Variants in RPL15 observed in about 807,000 individuals in gnomAD.
RPL15 encodes the protein large ribosomal subunit protein eL15.
For synonymous variants in RPL15, 97 were observed against 95.1 expected, an observed-to-expected ratio of 1.02 and a Z score of -0.12; for missense variants, 161 against 271.8, an observed-to-expected ratio of 0.59 and a Z score of 2.87.
rs559932039 is a variant in RPL15, at chr3:23,919,565, G to A, written c.*64G>A. ...TTTAGGACAGTCATGTCTGCTTACAGGTGTTATTTGTCTGTTAAAACTAGT... is the reference window on the plus strand; with the variant it reads ...TTTAGGACAGTCATGTCTGCTTACAAGTGTTATTTGTCTGTTAAAACTAGT... On this transcript the variant is annotated 3_prime_UTR_variant, in exon 4 of 4. Transcript: ENST00000307839. The A allele has an allele frequency of 1.0e-5, 15 of 1,440,442 alleles. No individual in the cohort carries two copies. The African/African-American group carries it at 1.7e-4, about 16-fold the overall frequency. 89.2% of individuals were successfully genotyped at this position (1,440,442 alleles called of 1,614,324 possible). A position where few individuals can be genotyped will look rare whatever the true frequency, so the allele number is the denominator to read the frequency against.
chr3:23,921,668 G>T (rs193020435), downstream of RPL15: 2 of 665,110 alleles, frequency 3.0e-6, no homozygotes, highest in South Asian at 1.6e-5. Context: ...TCTGTCTCCC[G>T]GGTTTGAGCA....
chr3:23,918,564 G>A lies in RPL15; in HGVS notation c.297G>A (p.Gln99=). 1.2e-6 allele frequency: 2 copies of A among 1,613,878 alleles called. No homozygotes were observed. Among genetic ancestry groups the A allele is most frequent in the African/African-American group, 2.7e-5 (2 of 75,040 alleles). The change falls in exon 3 of 4, where the codon CAG becomes CAA. Residue 99 remains glutamine, a synonymous_variant. Coordinates refer to ENST00000307839, the MANE Select transcript of RPL15 (RefSeq NM_002948.5). The stretch of plus-strand genomic sequence containing the variant: ...AGCTAAAGTTTGCTCGAAGCCTTCA[G>A]TCCGTTGCAGAGGTAAATGGTTTTG... ...VNQLKFARSL[Q]SVAEERAGRH...
At position 23,920,038 on chromosome 3, in the gene RPL15, G is replaced by A. The variant is rs755818088; in HGVS notation, c.*537G>A. ...CCTGGTTCAGTGCCATGGCTTCATG[G>A]CATTCAGTGATTAGTGGTAATGGTA... On this transcript the variant is annotated 3_prime_UTR_variant, in exon 4 of 4. Coordinates refer to ENST00000307839, the MANE Select transcript of RPL15 (RefSeq NM_002948.5). 17 of 986,184 alleles carry A rather than the reference G, an allele frequency of 1.7e-5. No homozygotes were observed. Among genetic ancestry groups the A allele is most frequent in the Non-Finnish European group, 1.9e-5 (16 of 830,196 alleles). 61.1% of individuals were successfully genotyped at this position (986,184 alleles called of 1,614,324 possible).
At chr3:23,919,063 A>G in intron 3 of RPL15, 133 bp from the exon 4 acceptor site, 1 of 648,676 alleles carries the variant, frequency 1.5e-6, no homozygotes, top group Non-Finnish European at 2.7e-6. Flanking sequence ...CTAGGGAGAA[A>G]TGCTTAGTAA....
chr3:23,918,948 T>G (rs934934669), intron 3 of RPL15: 1 of 550,422 alleles, frequency 1.8e-6, no homozygotes, highest in Non-Finnish European at 3.2e-6. Context: ...GATATTAACA[T>G]ATTCCTGCCC....
Position 23,920,348 on chromosome 3 carries a change from C to A in RPL15, c.*847C>A. 1 of 985,516 alleles carries A rather than the reference C, an allele frequency of 1.0e-6. No individual in the cohort carries two copies. The highest frequency in any genetic ancestry group is 1.2e-6 in the Non-Finnish European group (1 of 829,848). 61.0% of individuals were successfully genotyped at this position (985,516 alleles called of 1,614,324 possible). The stretch of plus-strand genomic sequence containing the variant: ...TCTTGGGTTACCCACTCTGTCCACT[C>A]CCATAGGCTACAGAAAAAGTCACAA... On this transcript the variant is annotated 3_prime_UTR_variant, in exon 4 of 4. Transcript: ENST00000307839.
rs1704967790 is a variant in RPL15 at position 23,919,742 on chromosome 3, A to G, written c.*241A>G. ...TAGGGAGTTGTATGTCAGTGTATAA[A>G]ACATACTGTGTGGTATAACAGGCTT... On this transcript the variant is annotated 3_prime_UTR_variant, in exon 4 of 4. Transcript: ENST00000307839. 14 of 1,309,020 alleles carry G rather than the reference A, an allele frequency of 1.1e-5. No homozygotes were observed. The highest frequency in any genetic ancestry group is 3.5e-5 in the Admixed American group (1 of 28,398). 81.1% of individuals were successfully genotyped at this position (1,309,020 alleles called of 1,614,324 possible). A position where few individuals can be genotyped will look rare whatever the true frequency, so the allele number is the denominator to read the frequency against.
In RPL15 at chr3:23,919,491, G is replaced by T; in HGVS notation, c.605G>T (p.Arg202Leu). Residue 202 changes from arginine (R) to leucine (L), a missense_variant, in exon 4 of 4, where the codon CGT (arginine) becomes CTT (leucine). By Grantham distance (102) the Arg-to-Leu change is moderately radical. Coordinates refer to ENST00000307839, the MANE Select transcript of RPL15 (RefSeq NM_002948.5). The stretch of plus-strand genomic sequence containing the variant: ...AGGCGCAATACTCTCCAGCTCCACC[G>T]TTACCGCTAATATAAGTAAAGTTTG... ...WRRRNTLQLHRYR is the reference protein window; with the variant it reads ...WRRRNTLQLHLYR 1 of 1,569,552 alleles carries T rather than the reference G, an allele frequency of 6.4e-7. No individual in the cohort carries two copies. Among genetic ancestry groups the T allele is most frequent in the Non-Finnish European group, 8.6e-7 (1 of 1,163,682 alleles).
chr3:23,918,114 C>T (rs1704775133), intron 2 of RPL15, 83 bp downstream of exon 2: 4 of 1,477,268 alleles, frequency 2.7e-6, no homozygotes, highest in Non-Finnish European at 3.7e-6. Context: ...ACACTGCTGC[C>T]TCAGTGTCTT....
rs1348529676 is a variant in RPL15, at chr3:23,920,520, G to C, written c.*1019G>C. The C allele has an allele frequency of 2.0e-6, 2 of 985,132 alleles. No individual in the cohort carries two copies. The highest frequency in any genetic ancestry group is 6.2e-5 in the Admixed American group (1 of 16,250). 61.0% of individuals were successfully genotyped at this position (985,132 alleles called of 1,614,324 possible). The stretch of plus-strand genomic sequence containing the variant: ...GAGTATACCACCACATTGCATTTCT[G>C]TTTGCACCATGTCTTCCAGGAGACT... On this transcript the variant is annotated 3_prime_UTR_variant, in exon 4 of 4. Transcript: ENST00000307839.
chr3:23,916,732 G>A (rs1390622891), upstream of RPL15: 1 of 152,792 alleles, frequency 6.5e-6, no homozygotes, highest in Non-Finnish European at 1.5e-5. Flanking sequence ...GCGCGGAGAC[G>A]CGGAGACGCA....
chr3:23,920,222 C>G lies in RPL15; in HGVS notation c.*721C>G. 1 of 985,758 alleles carries G rather than the reference C, an allele frequency of 1.0e-6. No individual in the cohort carries two copies. The highest frequency in any genetic ancestry group is 1.2e-6 in the Non-Finnish European group (1 of 829,914). The allele number at this position is 985,758 out of a possible 1,614,324, so 61.1% of individuals were successfully genotyped here. A position where few individuals can be genotyped will look rare whatever the true frequency, so the allele number is the denominator to read the frequency against. ...AGACGTCAACCCTAAAATACTTAAC[C>G]GTAATGCTAATTGTGATCATTATGA... is the stretch of plus-strand genomic sequence containing the variant. On this transcript the variant is annotated 3_prime_UTR_variant, in exon 4 of 4. Coordinates refer to ENST00000307839, the MANE Select transcript of RPL15 (RefSeq NM_002948.5).
chr3:23,920,919 C>A lies in RPL15; in HGVS notation c.*1418C>A. On this transcript the variant is annotated 3_prime_UTR_variant, in exon 4 of 4. Transcript: ENST00000307839. ...AAAGCAAACCAAATGCCCTAACCAG[C>A]AAAAAGGCATCAAAATGTGATTATA... 1 of 228,884 alleles carries A rather than the reference C, an allele frequency of 4.4e-6. No individual in the cohort carries two copies. Among genetic ancestry groups the A allele is most frequent in the Non-Finnish European group, 7.2e-6 (1 of 138,168 alleles). The allele number at this position is 228,884 out of a possible 1,614,324, so 14.2% of individuals were successfully genotyped here.
chr3:23,923,334 C>A (rs563068072), downstream of RPL15: 5 of 151,920 alleles, frequency 3.3e-5, no homozygotes, highest in East Asian at 9.7e-4. Flanking sequence ...GATTCTCCTG[C>A]CTCAGCCTCC....
Position 23,919,680 on chromosome 3 carries a change from T to C in RPL15, c.*179T>C. Reference sequence around the variant, plus strand: ...AATAAGTGGTGGTGTATCTTGTTTCTAATAAGATAAACTTTTTTGTCTTTG... The same window carrying C: ...AATAAGTGGTGGTGTATCTTGTTTCCAATAAGATAAACTTTTTTGTCTTTG... On this transcript the variant is annotated 3_prime_UTR_variant, in exon 4 of 4. Coordinates refer to ENST00000307839, the MANE Select transcript of RPL15 (RefSeq NM_002948.5). 1 of 1,394,572 alleles carries C rather than the reference T, an allele frequency of 7.2e-7. No homozygotes were observed. Among genetic ancestry groups the C allele is most frequent in the Non-Finnish European group, 9.3e-7 (1 of 1,079,440 alleles). The allele number at this position is 1,394,572 out of a possible 1,614,324, so 86.4% of individuals were successfully genotyped here. A position where few individuals can be genotyped will look rare whatever the true frequency, so the allele number is the denominator to read the frequency against.
In RPL15 at chr3:23,918,638, T is replaced by G. The variant is rs964603177; in HGVS notation, c.309+62T>G. On this transcript the variant is annotated intron_variant, in intron 3 of 3. Transcript: ENST00000307839. ...CCTGGGGATGGTGGGAGAGAGAGAT[T>G]AAGCAACTTTTCTGATTGTACTTAG... The G allele has an allele frequency of 2.2e-5, 35 of 1,560,846 alleles. No individual in the cohort carries two copies. In the Admixed American group the frequency reaches 2.5e-4, roughly 11 times the overall value.
At position 23,919,679 on chromosome 3, in the gene RPL15, C is replaced by A; in HGVS notation, c.*178C>A. 3 of 1,392,210 alleles carry A rather than the reference C, an allele frequency of 2.2e-6. No homozygotes were observed. Among genetic ancestry groups the A allele is most frequent in the Middle Eastern group, 2.6e-4 (1 of 3,776 alleles). The allele number at this position is 1,392,210 out of a possible 1,614,324, so 86.2% of individuals were successfully genotyped here. Reference sequence around the variant, plus strand: ...CAATAAGTGGTGGTGTATCTTGTTTCTAATAAGATAAACTTTTTTGTCTTT... The same window carrying A: ...CAATAAGTGGTGGTGTATCTTGTTTATAATAAGATAAACTTTTTTGTCTTT... On this transcript the variant is annotated 3_prime_UTR_variant, in exon 4 of 4. Transcript: ENST00000307839.
chr3:23,918,705 T>C (rs1704863997), intron 3 of RPL15, 129 bp downstream of exon 3: 7 of 1,129,266 alleles, frequency 6.2e-6, no homozygotes, highest in East Asian at 2.4e-5. Flanking sequence ...TGATTTTTAC[T>C]AATCTTGGTG....
Position 23,920,278 on chromosome 3 carries a change from T to C in RPL15, c.*777T>C. ...TTCAGTCACATTAGGGGGAAAGTAG[T>C]TGGCTATAAGTACGTCATTCTTAGT... is the stretch of plus-strand genomic sequence containing the variant. On this transcript the variant is annotated 3_prime_UTR_variant, in exon 4 of 4. Coordinates refer to ENST00000307839, the MANE Select transcript of RPL15 (RefSeq NM_002948.5). The C allele has an allele frequency of 1.0e-6, 1 of 985,804 alleles. No individual in the cohort carries two copies. Among genetic ancestry groups the C allele is most frequent in the Non-Finnish European group, 1.2e-6 (1 of 829,876 alleles). 61.1% of individuals were successfully genotyped at this position (985,804 alleles called of 1,614,324 possible). A position where few individuals can be genotyped will look rare whatever the true frequency, so the allele number is the denominator to read the frequency against.
Sources: allele counts gnomAD v4.1 joint callset, GRCh38; gene constraint gnomAD v4.1.1; transcripts MANE v1.5; gene names NCBI Gene and HGNC (gene_info 2026-07-23, HGNC 2026-07-21).